The following CCSER1 variants were observed in gnomAD, a reference collection of about 807,000 sequenced individuals.
The protein encoded by CCSER1 is serine-rich coiled-coil domain-containing protein 1.
A neutral mutation model predicts 82.0 loss-of-function variants in CCSER1; 41 were observed. The observed-to-expected ratio is 0.50, with a 90% CI of 0.39 to 0.65. The LOEUF (loss-of-function observed/expected upper bound fraction) is 0.65. Among genes scored for constraint, CCSER1 ranks in the 30% least tolerant of loss-of-function variants. The pLI, the probability that CCSER1 is intolerant of heterozygous loss-of-function variation, is 0.00. For missense variants in CCSER1, 1,119 were observed against 1,064.2 expected (o/e 1.05, Z -0.72); for synonymous variants, 414 against 383.9 (o/e 1.08, Z -0.92).
chr4:90,510,625 A>G (rs1183105612), intron 5 of CCSER1, among the ~76,000 whole-genome samples: 1 of 152,154 alleles, frequency 6.6e-6, no homozygotes, highest in African/African-American at 2.4e-5. Flanking sequence ...GAACATTCCT[A>G]TTGCAACAAT....
At chr4:91,348,765 C>T (rs72880807) in intron 10 of CCSER1, among the ~76,000 whole-genome samples, 7,262 of 152,030 alleles carry the variant, frequency 0.048, 595 homozygotes, top group African/African-American at 0.17. Flanking sequence ...TTTTATAATC[C>T]TTTTAACATC....
At chr4:91,254,715 AC>A (rs1182564353) in intron 10 of CCSER1, among the ~76,000 whole-genome samples, 2 of 152,110 alleles carry the variant, frequency 1.3e-5, no homozygotes, top group Non-Finnish European at 2.9e-5. Context: ...GTGTACCTTA[AC>A]AGTATTTTTT....
intron 9 of CCSER1, among the ~76,000 whole-genome samples, chr4:90,953,286 A>T (rs1052103687): frequency 2.6e-5 from 4 of 151,950 alleles, no homozygotes; most frequent in East Asian, 1.9e-4. Flanking sequence ...CAAGGAAAAA[A>T]TTTTTTCAAC....
chr4:90,567,720 C>T (rs1779578199), intron 5 of CCSER1, among the ~76,000 whole-genome samples: 1 of 151,860 alleles, frequency 6.6e-6, no homozygotes, highest in African/African-American at 2.4e-5. Flanking sequence ...GATCCTCCCA[C>T]CTCAGCCTCC....
chr4:91,308,860 T>A (rs1423347226), intron 10 of CCSER1, among the ~76,000 whole-genome samples: 1 of 152,014 alleles, frequency 6.6e-6, no homozygotes, highest in Non-Finnish European at 1.5e-5. Flanking sequence ...AATAAATGTA[T>A]AAAACATAAT....
At chr4:90,647,334 G>T (rs547920133) in intron 6 of CCSER1, among the ~76,000 whole-genome samples, 1 of 152,224 alleles carries the variant, frequency 6.6e-6, no homozygotes, top group Admixed American at 6.5e-5. Flanking sequence ...TTAAGGAGGG[G>T]TTTTTGTTGT....
At position 90,732,027 on chromosome 4, in the gene CCSER1, T is replaced by TTCTCTCTCTC. The variant is rs76331329; in HGVS notation, c.2010+8061_2010+8070dup. Among the ~76,000 whole-genome samples, 1,019 of 131,114 alleles carry TTCTCTCTCTC rather than the reference T, an allele frequency of 7.8e-3. 22 individuals carry two copies. Among genetic ancestry groups the TTCTCTCTCTC allele is most frequent in the African/African-American group, 0.024 (730 of 30,834 alleles). 86.0% of individuals were successfully genotyped at this position (131,114 alleles called of 152,430 possible). A position where few individuals can be genotyped will look rare whatever the true frequency, so the allele number is the denominator to read the frequency against. On this transcript the variant is annotated intron_variant, in intron 7 of 10. Coordinates refer to ENST00000509176, the MANE Select transcript of CCSER1 (RefSeq NM_001145065.2). ...CTGAAAACACTGTACCTATTGGGAT[T>TTCTCTCTCTC]TCTCTCTCTCTCTCTCTCTCTCTCT...
At chr4:90,470,978 G>C (rs1419286481) in intron 5 of CCSER1, among the ~76,000 whole-genome samples, 1 of 151,850 alleles carries the variant, frequency 6.6e-6, no homozygotes, top group Admixed American at 6.6e-5. Context: ...TGACATATTG[G>C]TGATATTGAT....
chr4:91,491,787 G>A (rs1394333615), intron 10 of CCSER1, among the ~76,000 whole-genome samples: 1 of 151,818 alleles, frequency 6.6e-6, no homozygotes, highest in African/African-American at 2.4e-5. Flanking sequence ...CCTACCAGAT[G>A]GATCAATAGA....
At chr4:91,068,843 C>G (rs763405799) in intron 9 of CCSER1, among the ~76,000 whole-genome samples, 10 of 152,094 alleles carry the variant, frequency 6.6e-5, no homozygotes, top group Non-Finnish European at 1.3e-4. Flanking sequence ...TAGTTGAAAT[C>G]GTTTAGGTAA....
chr4:90,979,670 C>T (rs1240959951), intron 9 of CCSER1, among the ~76,000 whole-genome samples: 1 of 151,690 alleles, frequency 6.6e-6, no homozygotes, highest in South Asian at 2.1e-4. Context: ...GGAGTCTTAA[C>T]TTGTGTCACT....
At chr4:91,168,349 G>A (rs1369680461) in intron 10 of CCSER1, among the ~76,000 whole-genome samples, 4 of 148,440 alleles carry the variant, frequency 2.7e-5, no homozygotes, top group Non-Finnish European at 4.5e-5. Context: ...GAAGTGAGGA[G>A]CGCCTCTGCC....
intron 9 of CCSER1, among the ~76,000 whole-genome samples, chr4:90,972,542 G>A (rs996441107): frequency 1.3e-5 from 2 of 151,470 alleles, no homozygotes; most frequent in African/African-American, 4.8e-5. Context: ...AATAAATGAA[G>A]ATATCCCATG....
chr4:91,374,775 C>G (rs900373383), intron 10 of CCSER1, among the ~76,000 whole-genome samples: 1 of 152,172 alleles, frequency 6.6e-6, no homozygotes, highest in African/African-American at 2.4e-5. Context: ...GTGGGTGAAT[C>G]TCTTGAGGTC....
chr4:90,756,879 G>A (rs951253959), intron 7 of CCSER1, among the ~76,000 whole-genome samples: 1 of 152,122 alleles, frequency 6.6e-6, no homozygotes, highest in Non-Finnish European at 1.5e-5. Context: ...ATAGCAGAAT[G>A]TTAGGTTAAA....
At chr4:90,741,191 G>GA (rs148691714) in intron 7 of CCSER1, among the ~76,000 whole-genome samples, 4 of 152,060 alleles carry the variant, frequency 2.6e-5, no homozygotes, top group East Asian at 1.9e-4. Flanking sequence ...TATAAGGAAG[G>GA]AAAAAAATAT....
intron 5 of CCSER1, among the ~76,000 whole-genome samples, chr4:90,554,861 A>T (rs552339072): frequency 6.6e-6 from 1 of 152,300 alleles, no homozygotes; most frequent in South Asian, 2.1e-4. Flanking sequence ...AGCACCCAGG[A>T]GAGTAAGGAG....
At chr4:91,561,744 C>G (rs1386858528) in intron 10 of CCSER1, among the ~76,000 whole-genome samples, 1 of 151,314 alleles carries the variant, frequency 6.6e-6, no homozygotes, top group Admixed American at 6.6e-5. Context: ...TGGATTTAAA[C>G]TCTTGCATAG....
intron 10 of CCSER1, among the ~76,000 whole-genome samples, chr4:91,096,512 A>G (rs963312244): frequency 2.6e-5 from 4 of 152,288 alleles, no homozygotes; most frequent in African/African-American, 4.8e-5. Flanking sequence ...CCAGGAATCT[A>G]TATATGGGAA....
Sources: allele counts gnomAD v4.1 joint callset (sites outside exome capture counted in the v4.1 genomes callset), GRCh38; gene constraint gnomAD v4.1.1; transcripts MANE v1.5; gene names NCBI Gene and HGNC (gene_info 2026-07-23, HGNC 2026-07-21).